The following DSC2 variants were observed in gnomAD, a reference collection of about 807,000 sequenced individuals.
DSC2 encodes the protein desmocollin-2.
A neutral mutation model predicts 87.6 loss-of-function variants in DSC2; 51 were observed. That is an observed-to-expected ratio of 0.58 (90% CI 0.46 to 0.74). DSC2 has a LOEUF of 0.74. Among genes scored for constraint, DSC2 ranks in the 30% least tolerant of loss-of-function variants. The pLI is 0.00. For missense variants in DSC2, 1,066 were observed against 1,089.5 expected (o/e 0.98, Z 0.30); for synonymous variants, 383 against 393.2 (o/e 0.97, Z 0.31).
chr18:31,100,660 T>G (rs193282562), intron 1 of DSC2, among the ~76,000 whole-genome samples: 1 of 152,352 alleles, frequency 6.6e-6, no homozygotes, highest in Non-Finnish European at 1.5e-5. Flanking sequence ...TGTGGAACTC[T>G]ACTGCGAAGT....
intron 3 of DSC2, among the ~76,000 whole-genome samples, chr18:31,091,369 G>A (rs887169463): frequency 4.6e-5 from 7 of 152,008 alleles, no homozygotes; most frequent in African/African-American, 1.7e-4. Context: ...ATGATTTGGT[G>A]GAAATATGGA....
chr18:31,074,863 C>T lies in DSC2; in HGVS notation c.1708G>A (p.Val570Met), dbSNP rs992887444. 4.3e-6 allele frequency: 7 copies of T among 1,613,902 alleles called. No homozygotes were observed. Among genetic ancestry groups the T allele is most frequent in the South Asian group, 2.2e-5 (2 of 91,074 alleles). Reference protein sequence around the residue: ...TGTLGIILQDVNDNSPFIPKK... With the variant: ...TGTLGIILQDMNDNSPFIPKK... ...GGTATGAATGGGCTGTTATCATTCA[C>T]GTCTTGAAGTATAATGCCCAGTGTC... Residue 570 changes from valine to methionine, a missense_variant, in exon 12 of 16, where the codon GTG (valine) becomes ATG (methionine). Coordinates refer to ENST00000280904, the MANE Select transcript of DSC2 (RefSeq NM_024422.6).
intron 2 of DSC2, among the ~76,000 whole-genome samples, chr18:31,093,010 A>G (rs1987651625): frequency 6.6e-6 from 1 of 152,182 alleles, no homozygotes; most frequent in Admixed American, 6.5e-5. Flanking sequence ...CTTTCATTAG[A>G]ATGACACCAC....
At position 31,082,288 on chromosome 18, in the gene DSC2, T is replaced by A. The variant is rs1023394201; in HGVS notation, c.1213A>T (p.Lys405Ter). 2 of 1,613,836 alleles carry A rather than the reference T, an allele frequency of 1.2e-6. No individual in the cohort carries two copies. Among genetic ancestry groups the A allele is most frequent in the Non-Finnish European group, 1.7e-6 (2 of 1,179,942 alleles). The part of the protein sequence containing the change: ...ILKGNENGNF[K>*]IVTDAKTNEG... ...TTGGTTTTGGCATCTGTTACAATTT[T>A]AAAATTGCCATTTTCATTGCCCTTT... Residue 405 changes from lysine (K) to a stop codon, truncating the protein, a stop_gained, in exon 9 of 16, where the codon AAA becomes TAA. Coordinates refer to ENST00000280904, the MANE Select transcript of DSC2 (RefSeq NM_024422.6). LOFTEE classifies it high-confidence loss of function.
At position 31,068,223 on chromosome 18, in the gene DSC2, G is replaced by C. The variant is rs1353395919; in HGVS notation, c.2509-11C>G. On this transcript the variant is annotated splice_polypyrimidine_tract_variant and intron_variant, in intron 15 of 15. Transcript: ENST00000280904. ...ACACAGATACACTTTCTGCCAAGGGGAAAAACACAACGTTTTTATTATTAT... is the reference window on the plus strand; with the variant it reads ...ACACAGATACACTTTCTGCCAAGGGCAAAAACACAACGTTTTTATTATTAT... 6.2e-7 allele frequency: 1 copy of C among 1,613,872 alleles called. No homozygotes were observed. The highest frequency in any genetic ancestry group is 8.5e-7 in the Non-Finnish European group (1 of 1,179,916).
chr18:31,082,808 T>C lies in DSC2; in HGVS notation c.1077+118A>G. On this transcript the variant is annotated intron_variant, in intron 8 of 15. Transcript: ENST00000280904. ...CCTGACCTCAGGTGATCCGCCCGCCTCGGCCTCCCAAAGTGCTGAGATTAC... is the reference window on the plus strand; with the variant it reads ...CCTGACCTCAGGTGATCCGCCCGCCCCGGCCTCCCAAAGTGCTGAGATTAC... 5.1e-6 allele frequency: 6 copies of C among 1,180,640 alleles called. No individual in the cohort carries two copies. In the Admixed American group the frequency reaches 1.2e-4, roughly 23 times the overall value. 73.1% of individuals were successfully genotyped at this position (1,180,640 alleles called of 1,614,324 possible). A position where few individuals can be genotyped will look rare whatever the true frequency, so the allele number is the denominator to read the frequency against.
At chr18:31,098,798 T>C (rs1157677737) in intron 1 of DSC2, among the ~76,000 whole-genome samples, 1 of 152,204 alleles carries the variant, frequency 6.6e-6, no homozygotes, top group East Asian at 1.9e-4. Flanking sequence ...TGGTAATCTG[T>C]CCTACTGATA....
chr18:31,082,952 G>A lies in DSC2; in HGVS notation c.1051C>T (p.His351Tyr), dbSNP rs536247729. Residue 351 changes from histidine (H) to tyrosine (Y), a missense_variant, in exon 8 of 16, where the codon CAC becomes TAC. Coordinates refer to ENST00000280904, the MANE Select transcript of DSC2 (RefSeq NM_024422.6). ...CIINIDDVND[H>Y]LPTFTRTSYV... Reference sequence around the variant, plus strand: ...GAAGTACGAGTAAATGTTGGCAAGTGGTCATTTACATCATCAATGTTAATG... The same window carrying A: ...GAAGTACGAGTAAATGTTGGCAAGTAGTCATTTACATCATCAATGTTAATG... 2 of 1,613,386 alleles carry A rather than the reference G, an allele frequency of 1.2e-6. No individual in the cohort carries two copies. Among genetic ancestry groups the A allele is most frequent in the East Asian group, 2.2e-5 (1 of 44,844 alleles).
chr18:31,074,516 T>C (rs1057350108), intron 12 of DSC2, among the ~76,000 whole-genome samples, 167 bp downstream of exon 12: 1 of 149,712 alleles, frequency 6.7e-6, no homozygotes, highest in Admixed American at 6.7e-5. Flanking sequence ...AATCTCGGCA[T>C]AGGATTAGAG....
rs1193943164 is a variant in DSC2, at chr18:31,079,950, A to G, written c.1560T>C (p.Ile520=). ...CTTTGATTGATCCTGTATTTTCATC[A>G]ATGGTGACCCACCCTGTTGGATCAG... ...KLTDPTGWVT[I]DENTGSIKVF... is the part of the protein sequence containing the mutation. Residue 520 remains isoleucine (I), a synonymous_variant, in exon 11 of 16, where the codon ATT becomes ATC. Coordinates refer to ENST00000280904, the MANE Select transcript of DSC2 (RefSeq NM_024422.6). The G allele has an allele frequency of 3.1e-6, 5 of 1,613,998 alleles. No individual in the cohort carries two copies. In the Admixed American group the frequency reaches 8.3e-5, roughly 27 times the overall value.
chr18:31,069,284 A>C, intron 14 of DSC2, 133 bp from the exon 15 acceptor site: 2 of 1,185,868 alleles, frequency 1.7e-6, no homozygotes, highest in East Asian at 2.5e-5. Context: ...GCAGGAACTA[A>C]ATCTATTTTG....
chr18:31,071,585 A>G lies in DSC2; in HGVS notation c.2125+20T>C. ...CTTTAAAGGGTATTATTTGAATTCA[A>G]GAAAGGACTTAAGACTTACAAAAGA... On this transcript the variant is annotated intron_variant, in intron 13 of 15. Transcript: ENST00000280904. 3.7e-6 allele frequency: 6 copies of G among 1,606,292 alleles called. No homozygotes were observed. The highest frequency in any genetic ancestry group is 5.1e-6 in the Non-Finnish European group (6 of 1,172,876).
chr18:31,076,389 C>T (rs540196635), intron 11 of DSC2, among the ~76,000 whole-genome samples: 65 of 152,164 alleles, frequency 4.3e-4, no homozygotes, highest in African/African-American at 1.5e-3. Flanking sequence ...AAACAGAAAG[C>T]AAAGCAAACA....
Position 31,060,117 on chromosome 18 carries a change from C to T in DSC2, c.*7898G>A, listed in dbSNP as rs1048026729. 6.6e-6 allele frequency: 1 copy of T among 152,150 alleles called. No homozygotes were observed. The highest frequency in any genetic ancestry group is 1.5e-5 in the Non-Finnish European group (1 of 68,032). 9.4% of individuals were successfully genotyped at this position (152,150 alleles called of 1,614,324 possible). On this transcript the variant is annotated 3_prime_UTR_variant, in exon 16 of 16. Transcript: ENST00000280904. ...GGTACATTGTATCACAGTAATGGAT[C>T]ATACATCATTTAATTACTTCCCTGT...
chr18:31,074,941 G>A (rs1295055932), intron 11 of DSC2, 34 bp from the exon 12 acceptor site: 1 of 1,568,782 alleles, frequency 6.4e-7, no homozygotes, highest in Non-Finnish European at 8.7e-7. Context: ...GTTTTTCTAT[G>A]TTTTGAGTTT....
chr18:31,086,646 G>A lies in DSC2; in HGVS notation c.872C>T (p.Ser291Leu), dbSNP rs755952123. 4 of 1,614,206 alleles carry A rather than the reference G, an allele frequency of 2.5e-6. No homozygotes were observed. The highest frequency in any genetic ancestry group is 3.4e-6 in the Non-Finnish European group (4 of 1,180,032). ...TGGATGCATAGAAAATAGGGTGGGTGATGGTGGCACCTGCCCAATGATGGA... is the reference window on the plus strand; with the variant it reads ...TGGATGCATAGAAAATAGGGTGGGTAATGGTGGCACCTGCCCAATGATGGA... ...KYSIIGQVPP[S>L]PTLFSMHPTT... Residue 291 changes from serine to leucine, a missense_variant, in exon 7 of 16, where the codon TCA (serine) becomes TTA (leucine). Physicochemically the swap from Ser to Leu is moderately radical, Grantham distance 145 (BLOSUM62 -2). Coordinates refer to ENST00000280904, the MANE Select transcript of DSC2 (RefSeq NM_024422.6).
intron 12 of DSC2, among the ~76,000 whole-genome samples, chr18:31,074,085 C>T (rs923106648): frequency 3.3e-5 from 5 of 152,172 alleles, no homozygotes; most frequent in Non-Finnish European, 5.9e-5. Context: ...AATAGGGGAT[C>T]GATTCAGGAC....
rs563157849 is a variant in DSC2 at position 31,078,006 on chromosome 18, G to T, written c.1663+1841C>A. On this transcript the variant is annotated intron_variant, in intron 11 of 15. Transcript: ENST00000280904. ...GAAGGCAGTTAAGACCAGAAAGCAT[G>T]CAGGAATGTGTGGGCAAGTTTAGAC... 2.0e-4 allele frequency among the ~76,000 whole-genome samples: 30 copies of T among 152,268 alleles called. No individual in the cohort carries two copies. The South Asian group carries it at 5.0e-3, about 25-fold the overall frequency.
At chr18:31,082,193 T>C (rs537314969) in intron 9 of DSC2, 45 bp downstream of exon 9, 228 of 1,549,928 alleles carry the variant, frequency 1.5e-4, no homozygotes, top group Non-Finnish European at 1.8e-4. Context: ...AGCATGCTAT[T>C]CTATGATATT....
Sources: allele counts gnomAD v4.1 joint callset (sites outside exome capture counted in the v4.1 genomes callset), GRCh38; gene constraint gnomAD v4.1.1; transcripts MANE v1.5; gene names NCBI Gene and HGNC (gene_info 2026-07-23, HGNC 2026-07-21).